The following DCDC2C variants were observed in gnomAD, a reference collection of about 807,000 sequenced individuals.
DCDC2C encodes doublecortin domain-containing protein 2C.
A neutral mutation model predicts 45.0 loss-of-function variants in DCDC2C; 44 were observed. That is an observed-to-expected ratio of 0.98 (90% CI 0.77 to 1.26). The LOEUF (loss-of-function observed/expected upper bound fraction) is 1.26. DCDC2C is among the 50% of genes most tolerant of loss of function. The pLI, the probability that DCDC2C is intolerant of heterozygous loss-of-function variation, is 0.00. For missense variants in DCDC2C, 447 were observed against 468.9 expected (o/e 0.95, Z 0.43); for synonymous variants, 187 against 178.8 (o/e 1.05, Z -0.37).
intron 10 of DCDC2C, among the ~76,000 whole-genome samples, chr2:3,815,488 C>T (rs974486878): frequency 2.6e-5 from 4 of 152,190 alleles, no homozygotes; most frequent in South Asian, 2.1e-4. Flanking sequence ...ATCTTGACCC[C>T]GCCCCTTCTG....
Position 3,742,051 on chromosome 2 carries a change from A to G in DCDC2C, c.545+3A>G, listed in dbSNP as rs1287414212. On this transcript the variant is annotated splice_donor_region_variant and intron_variant, in intron 4 of 10. Transcript: ENST00000399143. Reference sequence around the variant, plus strand: ...TTCCCTCTAGGAGGCGTTCGGAAGTAAGGAGACTCTCGCCTTTAGGACAGC... The same window carrying G: ...TTCCCTCTAGGAGGCGTTCGGAAGTGAGGAGACTCTCGCCTTTAGGACAGC... The G allele has an allele frequency of 1.3e-6, 2 of 1,533,260 alleles. No individual in the cohort carries two copies. The highest frequency in any genetic ancestry group is 1.8e-6 in the Non-Finnish European group (2 of 1,140,294). 95.0% of individuals were successfully genotyped at this position (1,533,260 alleles called of 1,614,324 possible). A position where few individuals can be genotyped will look rare whatever the true frequency, so the allele number is the denominator to read the frequency against.
At chr2:3,788,684 C>T (rs1247527730) in intron 10 of DCDC2C, among the ~76,000 whole-genome samples, 2 of 152,144 alleles carry the variant, frequency 1.3e-5, no homozygotes, top group South Asian at 2.1e-4. Context: ...TATGCGTGAT[C>T]CTATCAAAGC....
intron 10 of DCDC2C, among the ~76,000 whole-genome samples, chr2:3,827,598 A>G (rs771883806): frequency 6.6e-6 from 1 of 152,184 alleles, no homozygotes; most frequent in Non-Finnish European, 1.5e-5. Context: ...TTTGTTTTGA[A>G]TGTTGGGGAA....
intron 6 of DCDC2C, among the ~76,000 whole-genome samples, chr2:3,762,609 T>C (rs1342375144): frequency 6.6e-6 from 1 of 151,148 alleles, no homozygotes; most frequent in Non-Finnish European, 1.5e-5. Context: ...GCAGGGGAGG[T>C]ACCACACACT....
At chr2:3,760,424 A>C (rs1669845490) in intron 6 of DCDC2C, among the ~76,000 whole-genome samples, 1 of 152,238 alleles carries the variant, frequency 6.6e-6, no homozygotes, top group South Asian at 2.1e-4. Flanking sequence ...ACTTGGAACC[A>C]ACCCAAATGC....
intron 10 of DCDC2C, among the ~76,000 whole-genome samples, chr2:3,802,770 G>A (rs1226766159): frequency 1.3e-5 from 2 of 152,178 alleles, no homozygotes; most frequent in Non-Finnish European, 2.9e-5. Context: ...AAGACGAACT[G>A]TTAGATCCTT....
intron 2 of DCDC2C, among the ~76,000 whole-genome samples, chr2:3,718,996 C>A (rs1465217166): frequency 6.6e-6 from 1 of 152,168 alleles, no homozygotes; most frequent in Non-Finnish European, 1.5e-5. Context: ...CAGGAAAGTT[C>A]TCCAAGTCCC....
chr2:3,778,885 G>T lies in DCDC2C; in HGVS notation c.1023+1G>T. The T allele has an allele frequency of 6.4e-7, 1 of 1,550,834 alleles. No homozygotes were observed. ...CACCCCTGATTTTGAGGGCAACAAG[G>T]TGAGTTCATTTTATTTTGTGTTTAA... On this transcript the variant is annotated splice_donor_variant, in intron 9 of 10. Coordinates refer to ENST00000399143, the MANE Select transcript of DCDC2C (RefSeq NM_001287444.2). LOFTEE classifies it high-confidence loss of function.
intron 3 of DCDC2C, among the ~76,000 whole-genome samples, chr2:3,730,963 G>A (rs544182620): frequency 9.9e-5 from 15 of 152,164 alleles, no homozygotes; most frequent in Non-Finnish European, 2.1e-4. Context: ...CAAACAGGTG[G>A]CACTGAGGAC....
At chr2:3,842,803 A>C (rs1018344557) in intron 10 of DCDC2C, among the ~76,000 whole-genome samples, 2 of 152,088 alleles carry the variant, frequency 1.3e-5, no homozygotes, top group Non-Finnish European at 2.9e-5. Flanking sequence ...TCCTCAACAC[A>C]TGGTCTCTGA....
In DCDC2C at chr2:3,727,087, T is replaced by C. The variant is rs2148075408; in HGVS notation, c.416+8T>C. The C allele has an allele frequency of 1.3e-6, 2 of 1,545,546 alleles. No individual in the cohort carries two copies. Among genetic ancestry groups the C allele is most frequent in the Non-Finnish European group, 8.8e-7 (1 of 1,142,790 alleles). ...TATATCTCGACATATAAAGTGAGTA[T>C]AATATTATGGGTGAAAAAATCAAAC... On this transcript the variant is annotated splice_region_variant and intron_variant, in intron 3 of 10. Coordinates refer to ENST00000399143, the MANE Select transcript of DCDC2C (RefSeq NM_001287444.2).
intron 2 of DCDC2C, among the ~76,000 whole-genome samples, chr2:3,711,418 TA>T (rs573023012): frequency 1.3e-5 from 2 of 150,984 alleles, no homozygotes; most frequent in African/African-American, 2.4e-5. Flanking sequence ...CAGACTGGAT[TA>T]AAAAAAAAGT....
intron 10 of DCDC2C, among the ~76,000 whole-genome samples, chr2:3,812,212 T>C (rs1034704475): frequency 9.8e-6 from 1 of 102,262 alleles, no homozygotes; most frequent in African/African-American, 3.5e-5. Flanking sequence ...GGTCCTGGGC[T>C]TTTTTTTTTT....
chr2:3,809,367 A>G (rs1671333401), intron 10 of DCDC2C, among the ~76,000 whole-genome samples: 1 of 152,156 alleles, frequency 6.6e-6, no homozygotes, highest in Non-Finnish European at 1.5e-5. Flanking sequence ...AATACCATGA[A>G]CATGTTCTAT....
chr2:3,744,604 T>C (rs1669308561), intron 4 of DCDC2C, among the ~76,000 whole-genome samples: 1 of 152,186 alleles, frequency 6.6e-6, no homozygotes, highest in Non-Finnish European at 1.5e-5. Flanking sequence ...GTAGACGCTG[T>C]GGTGGAAGAG....
intron 1 of DCDC2C, among the ~76,000 whole-genome samples, chr2:3,708,024 A>G (rs1222972569): frequency 6.6e-6 from 1 of 152,186 alleles, no homozygotes; most frequent in African/African-American, 2.4e-5. Flanking sequence ...AACAGTAAAA[A>G]AAATTGTGTT....
At chr2:3,752,004 C>G (rs357971) in intron 4 of DCDC2C, among the ~76,000 whole-genome samples, 135,606 of 152,224 alleles carry the variant, frequency 0.89, 60,558 homozygotes, top group East Asian at 0.94. Flanking sequence ...CTCGCCCTGG[C>G]TTCTGGCCTT....
chr2:3,707,229 A>T (rs1668087649), intron 1 of DCDC2C, among the ~76,000 whole-genome samples: 2 of 152,182 alleles, frequency 1.3e-5, no homozygotes, highest in Non-Finnish European at 2.9e-5. Flanking sequence ...GGAGTGCAAC[A>T]TTGAAATAAT....
chr2:3,723,880 A>G (rs1405281576), intron 2 of DCDC2C, among the ~76,000 whole-genome samples: 1 of 152,112 alleles, frequency 6.6e-6, no homozygotes, highest in African/African-American at 2.4e-5. Flanking sequence ...TCCACTGGCT[A>G]TGGATAAAAT....
Sources: gnomAD v4.1 joint callset for allele counts (sites outside exome capture counted in the v4.1 genomes callset) on GRCh38, gnomAD v4.1.1 for gene constraint, MANE v1.5 for transcripts, NCBI Gene and HGNC (gene_info 2026-07-23, HGNC 2026-07-21) for gene names.